ADAM18: variants seen among roughly 807,000 people sequenced by gnomAD.
ADAM18 encodes the protein ADAM metallopeptidase domain 18.
Under a neutral mutation model 94.4 loss-of-function variants are expected in ADAM18, and 117 were observed. The ratio of observed to expected loss-of-function variants is 1.24; its 90% CI spans 1.07 to 1.45. The LOEUF (loss-of-function observed/expected upper bound fraction) is 1.45, where lower values mean the gene tolerates loss of function less well. Among genes scored for constraint, ADAM18 ranks in the 40% most tolerant of loss-of-function variants. The probability of loss-of-function intolerance (pLI) is 0.00; values close to 1 mark genes in which losing one functional copy is unlikely to be tolerated. For synonymous variants in ADAM18, 327 were observed against 291.6 expected, an observed-to-expected ratio of 1.12 and a Z score of -1.24; for missense variants, 936 against 880.0, an observed-to-expected ratio of 1.06 and a Z score of -0.81.
intron 7 of ADAM18, among the ~76,000 whole-genome samples, chr8:39,632,170 A>G (rs1819948561): frequency 6.6e-6 from 1 of 151,634 alleles, no homozygotes; most frequent in Non-Finnish European, 1.5e-5. Flanking sequence ...TCCGTTTTGC[A>G]TTTATGTATA....
chr8:39,607,876 A>G (rs1226819475), intron 3 of ADAM18, among the ~76,000 whole-genome samples: 1 of 150,996 alleles, frequency 6.6e-6, no homozygotes, highest in African/African-American at 2.4e-5. Context: ...GACTTTAAAT[A>G]CCATCCACAT....
intron 7 of ADAM18, among the ~76,000 whole-genome samples, 164 bp downstream of exon 7, chr8:39,629,603 CCT>C (rs1183988391): frequency 5.3e-5 from 8 of 150,724 alleles, no homozygotes; most frequent in African/African-American, 1.2e-4. Context: ...CCTCCCCTCC[CCT>C]CTGTCTTCCC....
At chr8:39,588,355 T>C (rs1157450652) in intron 2 of ADAM18, among the ~76,000 whole-genome samples, 2 of 152,198 alleles carry the variant, frequency 1.3e-5, no homozygotes, top group African/African-American at 4.8e-5. Context: ...TGATGGTCAT[T>C]TGTATGTTTT....
intron 2 of ADAM18, among the ~76,000 whole-genome samples, chr8:39,585,624 A>G (rs975666692): frequency 6.6e-6 from 1 of 152,198 alleles, no homozygotes; most frequent in Non-Finnish European, 1.5e-5. Flanking sequence ...AAAGAAATCA[A>G]TATAAAATAT....
At chr8:39,611,610 G>A in intron 6 of ADAM18, 1 of 984,184 alleles carries the variant, frequency 1.0e-6, no homozygotes, top group Non-Finnish European at 1.2e-6. Context: ...TGGAAAGCTG[G>A]AAACAGCATT....
intron 18 of ADAM18, among the ~76,000 whole-genome samples, chr8:39,714,779 T>A (rs1822522956): frequency 6.6e-6 from 1 of 152,114 alleles, no homozygotes; most frequent in South Asian, 2.1e-4. Flanking sequence ...AACTGTGACT[T>A]GAAATGAAAG....
intron 10 of ADAM18, 93 bp downstream of exon 10, chr8:39,638,639 C>T (rs1820155000): frequency 4.6e-6 from 3 of 648,904 alleles, no homozygotes; most frequent in East Asian, 3.3e-5. Flanking sequence ...AGTGTAAAAC[C>T]ATTTGATCTT....
At chr8:39,607,783 A>ATGGTTTCTGC (rs1819135221) in intron 3 of ADAM18, among the ~76,000 whole-genome samples, 2 of 147,246 alleles carry the variant, frequency 1.4e-5, no homozygotes, top group African/African-American at 5.0e-5. Flanking sequence ...CGAATCTTAG[A>ATGGTTTCTGC]GTACTCCATA....
intron 18 of ADAM18, among the ~76,000 whole-genome samples, chr8:39,708,427 C>G (rs1275222467): frequency 5.3e-5 from 8 of 152,098 alleles, no homozygotes; most frequent in Non-Finnish European, 1.2e-4. Flanking sequence ...ACTCTGTAGG[C>G]TGTTAAAAAA....
intron 17 of ADAM18, among the ~76,000 whole-genome samples, chr8:39,700,889 C>T (rs889795790): frequency 4.0e-5 from 6 of 151,150 alleles, no homozygotes; most frequent in East Asian, 1.9e-4. Flanking sequence ...CCGAGGCGGG[C>T]GGATCACGAG....
chr8:39,652,826 A>T (rs913193649), intron 12 of ADAM18, among the ~76,000 whole-genome samples: 5 of 152,156 alleles, frequency 3.3e-5, no homozygotes, highest in Non-Finnish European at 7.4e-5. Flanking sequence ...GTAGAGATAC[A>T]CAATGGACTA....
intron 17 of ADAM18, among the ~76,000 whole-genome samples, chr8:39,696,341 T>A (rs559680109): frequency 7.3e-5 from 11 of 151,554 alleles, no homozygotes; most frequent in African/African-American, 2.7e-4. Context: ...GTCTTTTCAC[T>A]GTCTTGATAA....
At chr8:39,619,316 G>A (rs1039956813) in intron 6 of ADAM18, among the ~76,000 whole-genome samples, 14 of 152,088 alleles carry the variant, frequency 9.2e-5, no homozygotes, top group Admixed American at 7.9e-4. Flanking sequence ...AGATAAAAGC[G>A]ACCGAATGGA....
chr8:39,623,181 G>T (rs1175668815), intron 6 of ADAM18, among the ~76,000 whole-genome samples: 2 of 152,160 alleles, frequency 1.3e-5, no homozygotes, highest in African/African-American at 2.4e-5. Flanking sequence ...TGCTGCAAAA[G>T]ACATTATTTC....
At chr8:39,723,958 AC>A in intron 19 of ADAM18, 51 bp downstream of exon 19, 1 of 1,137,752 alleles carries the variant, frequency 8.8e-7, no homozygotes, top group Non-Finnish European at 1.2e-6. Flanking sequence ...CTAGTCATTA[AC>A]CAGTGTCATG....
chr8:39,638,490 G>T lies in ADAM18; in HGVS notation c.853G>T (p.Gly285Ter). The T allele has an allele frequency of 6.4e-7, 1 of 1,569,050 alleles. No homozygotes were observed. Among genetic ancestry groups the T allele is most frequent in the Non-Finnish European group, 8.7e-7 (1 of 1,156,008 alleles). The change falls in exon 10 of 20, where the codon GGA (glycine) becomes TGA (stop). Residue 285 changes from glycine to a stop codon, truncating the protein, a stop_gained. Transcript: ENST00000265707. LOFTEE classifies it high-confidence loss of function. ...TTACAGGAAACATCCTAAATATGTG[G>T]GAGCAACATTTCCTGGCACTGTATG... is the stretch of plus-strand genomic sequence containing the variant. ...LVYRKHPKYV[G>*]ATFPGTVCNK...
chr8:39,607,475 C>T (rs1007374760), intron 3 of ADAM18, among the ~76,000 whole-genome samples: 9 of 152,192 alleles, frequency 5.9e-5, no homozygotes, highest in South Asian at 2.1e-4. Context: ...ACTTAATTCA[C>T]GTTTACTTTT....
intron 18 of ADAM18, among the ~76,000 whole-genome samples, chr8:39,714,404 G>A (rs1413634459): frequency 6.6e-6 from 1 of 152,124 alleles, no homozygotes; most frequent in Non-Finnish European, 1.5e-5. Context: ...AAACCTGCAT[G>A]TTGTGCACAT....
intron 13 of ADAM18, among the ~76,000 whole-genome samples, chr8:39,667,758 G>A (rs998591941): frequency 2.0e-5 from 3 of 152,168 alleles, no homozygotes; most frequent in African/African-American, 7.2e-5. Flanking sequence ...AGAGCACAAA[G>A]GAGGTGAGCA....
Sources: gnomAD v4.1 joint callset for allele counts (sites outside exome capture counted in the v4.1 genomes callset) on GRCh38, gnomAD v4.1.1 for gene constraint, MANE v1.5 for transcripts, NCBI Gene and HGNC (gene_info 2026-07-23, HGNC 2026-07-21) for gene names.